LAMC2: variants seen among roughly 807,000 people sequenced by gnomAD.
LAMC2 encodes the protein laminin subunit gamma 2.
Under a neutral mutation model 140.2 loss-of-function variants are expected in LAMC2, and 97 were observed. That is an observed-to-expected ratio of 0.69 (90% CI 0.59 to 0.82). The LOEUF (loss-of-function observed/expected upper bound fraction) is 0.82, where lower values mean the gene tolerates loss of function less well. Ranked by LOEUF, LAMC2 falls within the 40% of genes least tolerant of loss-of-function variation. LAMC2 has a pLI of 0.00. For synonymous variants in LAMC2, 513 were observed against 540.2 expected, an observed-to-expected ratio of 0.95 and a Z score of 0.70; for missense variants, 1,402 against 1,476.1, an observed-to-expected ratio of 0.95 and a Z score of 0.82.
At chr1:183,226,669 C>A (rs1391868579) in intron 8 of LAMC2, 29 bp from the exon 9 acceptor site, 2 of 1,587,552 alleles carry the variant, frequency 1.3e-6, no homozygotes, top group East Asian at 2.2e-5. Flanking sequence ...GTACCACTTG[C>A]AACTTCTAAC....
At chr1:183,246,754 C>A (rs1373319914), downstream of LAMC2, among the ~76,000 whole-genome samples, 2 of 152,126 alleles carry the variant, frequency 1.3e-5, no homozygotes, top group African/African-American at 4.8e-5. Context: ...GTTTATTGTG[C>A]CTTCTTTTAA....
chr1:183,228,555 C>T lies in LAMC2; in HGVS notation c.1650C>T (p.Cys550=), dbSNP rs200783718. The change falls in exon 11 of 23, where the codon TGC becomes TGT. Residue 550 remains cysteine (C), a synonymous_variant. Coordinates refer to ENST00000264144, the MANE Select transcript of LAMC2 (RefSeq NM_005562.3). The surrounding 1 kb of genome is among the most constrained non-coding windows in gnomAD (Gnocchi z 4.3). Reference sequence around the variant, plus strand: ...TCCACAACACAGCCGGCATCTACTGCGACCAGTGCAAAGCAGGCTACTTCG... The same window carrying T: ...TCCACAACACAGCCGGCATCTACTGTGACCAGTGCAAAGCAGGCTACTTCG... ...KCIHNTAGIY[C]DQCKAGYFGD... 12 of 1,613,912 alleles carry T rather than the reference C, an allele frequency of 7.4e-6. No individual in the cohort carries two copies. Among genetic ancestry groups the T allele is most frequent in the South Asian group, 5.5e-5 (5 of 91,042 alleles).
rs184817147 is a variant in LAMC2, at chr1:183,220,910, C to T, written c.589C>T (p.Arg197Cys). 211 of 1,613,976 alleles carry T rather than the reference C, an allele frequency of 1.3e-4. 1 individual carries two copies. The East Asian group carries it at 2.9e-3, about 22-fold the overall frequency. ...CFCYGHSASCRSSAEYSVHKI... is the reference protein window; with the variant it reads ...CFCYGHSASCCSSAEYSVHKI... The stretch of plus-strand genomic sequence containing the variant: ...CTGCTATGGGCATTCAGCCAGCTGC[C>T]GCAGCTCTGCAGAATACAGTGTCCA... Residue 197 changes from arginine (R) to cysteine (C), a missense_variant, in exon 5 of 23, where the codon CGC (arginine) becomes TGC (cysteine). Coordinates refer to ENST00000264144, the MANE Select transcript of LAMC2 (RefSeq NM_005562.3).
In LAMC2 at chr1:183,244,653, G is replaced by A. The variant is rs1660205611; in HGVS notation, c.*1253G>A. 1 of 152,652 alleles carries A rather than the reference G, an allele frequency of 6.6e-6. No homozygotes were observed. Among genetic ancestry groups the A allele is most frequent in the Non-Finnish European group, 1.5e-5 (1 of 68,034 alleles). 9.5% of individuals were successfully genotyped at this position (152,652 alleles called of 1,614,324 possible). A position where few individuals can be genotyped will look rare whatever the true frequency, so the allele number is the denominator to read the frequency against. The stretch of plus-strand genomic sequence containing the variant: ...AACATATGTTGCAAGACCCTCCCAT[G>A]GGGGCACTTGAGTTTTGGCAAGGCT... On this transcript the variant is annotated 3_prime_UTR_variant, in exon 23 of 23. Transcript: ENST00000264144.
chr1:183,257,631 C>G, the LAMC2 span, among the ~76,000 whole-genome samples: 3 of 152,138 alleles, frequency 2.0e-5, no homozygotes, highest in African/African-American at 4.8e-5. Flanking sequence ...TATCCCTGCC[C>G]TCTAGGTTAC....
rs768686277 is a variant in LAMC2 at position 183,240,065 on chromosome 1, C to T, written c.3095C>T (p.Ala1032Val). The change falls in exon 21 of 23, where the codon GCC becomes GTC. Residue 1032 changes from alanine to valine, a missense_variant. Coordinates refer to ENST00000264144, the MANE Select transcript of LAMC2 (RefSeq NM_005562.3). ...GAGATTGGGAGTCTGAACTTGGAAG[C>T]CAATGTGACAGCAGATGGAGCCTTG... ...EQEIGSLNLE[A>V]NVTADGALAM... 1 of 1,614,120 alleles carries T rather than the reference C, an allele frequency of 6.2e-7. No homozygotes were observed. Among genetic ancestry groups the T allele is most frequent in the Non-Finnish European group, 8.5e-7 (1 of 1,180,020 alleles).
At chr1:183,235,413 T>C (rs1229823755) in intron 15 of LAMC2, among the ~76,000 whole-genome samples, 162 bp from the exon 16 acceptor site, 1 of 152,256 alleles carries the variant, frequency 6.6e-6, no homozygotes, top group Non-Finnish European at 1.5e-5. Flanking sequence ...AAACACTTTC[T>C]GCTTCTTGAC....
intron 15 of LAMC2, among the ~76,000 whole-genome samples, chr1:183,234,650 T>C (rs896995598): frequency 6.6e-6 from 1 of 152,060 alleles, no homozygotes; most frequent in Non-Finnish European, 1.5e-5. Flanking sequence ...TTGGCAGGAG[T>C]TGGGGGTGAG....
intron 19 of LAMC2, among the ~76,000 whole-genome samples, chr1:183,238,664 C>T (rs910984825): frequency 3.3e-5 from 5 of 152,228 alleles, no homozygotes; most frequent in African/African-American, 9.6e-5. Context: ...GCCAGACTAG[C>T]TGTGTGACCA....
At position 183,228,422 on chromosome 1, in the gene LAMC2, G is replaced by A. The variant is rs1173062757; in HGVS notation, c.1517G>A (p.Gly506Asp). 10 of 1,613,884 alleles carry A rather than the reference G, an allele frequency of 6.2e-6. No individual in the cohort carries two copies. The highest frequency in any genetic ancestry group is 8.5e-6 in the Non-Finnish European group (10 of 1,180,002). The change falls in exon 11 of 23, where the codon GGT (glycine) becomes GAT (aspartate). Residue 506 changes from glycine to aspartate, a missense_variant. Physicochemically the swap from Gly to Asp is moderately conservative, Grantham distance 94. Transcript: ENST00000264144. The surrounding 1 kb of genome is among the most constrained non-coding windows in gnomAD (Gnocchi z 4.3). ...GATGGCTACTTTGGGGACCCCTTTGGTGAACATGGCCCAGTGAGGCCTTGT... is the reference window on the plus strand; with the variant it reads ...GATGGCTACTTTGGGGACCCCTTTGATGAACATGGCCCAGTGAGGCCTTGT... ...CADGYFGDPF[G>D]EHGPVRPCQP...
chr1:183,186,953 T>C (rs1658173869), intron 1 of LAMC2, among the ~76,000 whole-genome samples: 1 of 152,238 alleles, frequency 6.6e-6, no homozygotes, highest in Non-Finnish European at 1.5e-5. Flanking sequence ...TATTTTCATG[T>C]AATATTCATT....
chr1:183,208,580 T>C (rs1278903734), intron 2 of LAMC2, among the ~76,000 whole-genome samples: 1 of 152,176 alleles, frequency 6.6e-6, no homozygotes, highest in Non-Finnish European at 1.5e-5. Context: ...AACAGGAAAA[T>C]TGAAGTCTTT....
intron 4 of LAMC2, 133 bp downstream of exon 4, chr1:183,218,621 C>A (rs991671157): frequency 2.7e-6 from 2 of 748,952 alleles, no homozygotes; most frequent in Admixed American, 4.1e-5. Flanking sequence ...TGCTCTCTGT[C>A]CTCAAAAACT....
At chr1:183,218,584 C>T (rs1659357921) in intron 4 of LAMC2, 96 bp downstream of exon 4, 1 of 948,966 alleles carries the variant, frequency 1.1e-6, no homozygotes, top group Non-Finnish European at 1.7e-6. Context: ...AAAAGGGATA[C>T]TTGACAAACG....
chr1:183,197,432 T>TGGGAC lies in LAMC2; in HGVS notation c.80-10446_80-10442dup, dbSNP rs372820126. 3.1e-3 allele frequency among the ~76,000 whole-genome samples: 467 copies of TGGGAC among 152,286 alleles called. 7 individuals are homozygous for TGGGAC. Among genetic ancestry groups the TGGGAC allele is most frequent in the African/African-American group, 0.01 (432 of 41,562 alleles). ...ACTCGTGCCTGTAATCCCAACACTT[T>TGGGAC]GGGACGGTGAGGTGGGCAAATCACT... On this transcript the variant is annotated intron_variant, in intron 1 of 22. Coordinates refer to ENST00000264144, the MANE Select transcript of LAMC2 (RefSeq NM_005562.3).
chr1:183,199,102 T>C (rs865975933), intron 1 of LAMC2, among the ~76,000 whole-genome samples: 220 of 133,534 alleles, frequency 1.6e-3, no homozygotes, highest in African/African-American at 5.7e-3. Flanking sequence ...CTTTTCTTTT[T>C]TTTTTTTTTT....
intron 2 of LAMC2, 25 bp downstream of exon 2, chr1:183,208,094 G>A (rs375709713): frequency 2.0e-4 from 316 of 1,599,988 alleles, no homozygotes; most frequent in Non-Finnish European, 2.5e-4. Flanking sequence ...CGGAAAGAGG[G>A]AGAGGGAGAT....
At chr1:183,232,395 G>C in intron 13 of LAMC2, 52 bp downstream of exon 13, 1 of 1,595,686 alleles carries the variant, frequency 6.3e-7, no homozygotes. Flanking sequence ...AGTCCTAGAA[G>C]GAATGGCTAC....
In LAMC2 at chr1:183,235,699, G is replaced by A; in HGVS notation, c.2425G>A (p.Asp809Asn). 1.9e-6 allele frequency: 3 copies of A among 1,614,206 alleles called. No homozygotes were observed. The highest frequency in any genetic ancestry group is 1.6e-4 in the Middle Eastern group (1 of 6,062). ...AGTCGGAAGCGGAAGCGGTAGCCCGGACGGTGCTGTGGTGCAAGGGCTTGT... is the reference window on the plus strand; with the variant it reads ...AGTCGGAAGCGGAAGCGGTAGCCCGAACGGTGCTGTGGTGCAAGGGCTTGT... Reference protein sequence around the residue: ...EGVGSGSGSPDGAVVQGLVEK... With the variant: ...EGVGSGSGSPNGAVVQGLVEK... Residue 809 changes from aspartate to asparagine, a missense_variant, in exon 16 of 23, where the codon GAC becomes AAC. Physicochemically the swap from Asp to Asn is conservative, Grantham distance 23. Transcript: ENST00000264144.
Sources: allele counts gnomAD v4.1 joint callset (sites outside exome capture counted in the v4.1 genomes callset), GRCh38; gene constraint gnomAD v4.1.1; non-coding constraint Gnocchi (gnomAD v3.1); transcripts MANE v1.5; gene names NCBI Gene and HGNC (gene_info 2026-07-23, HGNC 2026-07-21).